Variants in SEMA4A observed in about 807,000 individuals in gnomAD.
SEMA4A encodes the protein semaphorin 4A, also known as semaphorin-4A.
A neutral mutation model predicts 72.5 loss-of-function variants in SEMA4A; 52 were observed. The observed-to-expected ratio is 0.72, with a 90% CI of 0.57 to 0.90. SEMA4A has a LOEUF of 0.90. SEMA4A is among the 40% of genes least tolerant of loss of function. The pLI is 0.00. For missense variants in SEMA4A, 926 were observed against 959.7 expected (o/e 0.96, Z 0.46); for synonymous variants, 369 against 393.1 (o/e 0.94, Z 0.73).
intron 5 of SEMA4A, 46 bp from the exon 6 acceptor site, chr1:156,158,673 T>C: frequency 6.7e-7 from 1 of 1,490,080 alleles, no homozygotes; most frequent in South Asian, 1.1e-5. Flanking sequence ...ATTTCCCAGA[T>C]GTGAGACCTT....
At chr1:156,167,041 C>T (rs1654234574) in intron 10 of SEMA4A, among the ~76,000 whole-genome samples, 1 of 151,902 alleles carries the variant, frequency 6.6e-6, no homozygotes, top group African/African-American at 2.4e-5. Context: ...ACTAGAACTA[C>T]AAGCACCCAC....
intron 10 of SEMA4A, among the ~76,000 whole-genome samples, chr1:156,170,945 C>T (rs1205982768): frequency 6.7e-6 from 1 of 149,802 alleles, no homozygotes; most frequent in Admixed American, 6.6e-5. Flanking sequence ...AAAAAAAAAC[C>T]CTTTGACCTA....
At chr1:156,150,674 G>A (rs1438656952), upstream of SEMA4A, among the ~76,000 whole-genome samples, 2 of 152,102 alleles carry the variant, frequency 1.3e-5, no homozygotes, top group African/African-American at 2.4e-5. Flanking sequence ...GAGCGTCTGG[G>A]GCTGGTTGAA....
intron 10 of SEMA4A, among the ~76,000 whole-genome samples, chr1:156,171,000 G>T (rs1654722675): frequency 6.6e-6 from 1 of 152,106 alleles, no homozygotes; most frequent in Non-Finnish European, 1.5e-5. Flanking sequence ...TTCACTTGAG[G>T]CCAGGAGTTT....
upstream of SEMA4A, chr1:156,153,312 C>A (rs1652697055): frequency 6.6e-6 from 1 of 152,292 alleles, no homozygotes. Flanking sequence ...GTCATGTCCC[C>A]TATCTGGGAA....
At position 156,154,632 on chromosome 1, in the gene SEMA4A, C is replaced by T. The variant is rs1478457330; in HGVS notation, c.54C>T (p.Leu18=). ...CCTGGAGCCTCCTGGGCCTTTTCCT[C>T]TTCCAACTGCTTCAGCTGCTGCTGC... ...LDPWSLLGLF[L]FQLLQLLLPT... is the part of the protein sequence containing the mutation. Residue 18 remains leucine, a synonymous_variant, in exon 2 of 15, where the codon CTC becomes CTT. Coordinates refer to ENST00000368285, the MANE Select transcript of SEMA4A (RefSeq NM_022367.4). 6.2e-7 allele frequency: 1 copy of T among 1,609,802 alleles called. No individual in the cohort carries two copies. Among genetic ancestry groups the T allele is most frequent in the Non-Finnish European group, 8.5e-7 (1 of 1,178,620 alleles).
Position 156,161,336 on chromosome 1 carries a change from G to C in SEMA4A, c.811-10G>C, listed in dbSNP as rs1364641780. 1 of 1,413,886 alleles carries C rather than the reference G, an allele frequency of 7.1e-7. No homozygotes were observed. Among genetic ancestry groups the C allele is most frequent in the Admixed American group, 1.9e-5 (1 of 53,800 alleles). 87.6% of individuals were successfully genotyped at this position (1,413,886 alleles called of 1,614,324 possible). ...CCCGGGGCGCCCCCTGACTCCCCCT[G>C]TGCCCCCAGAATGACGTGGGCGGCG... On this transcript the variant is annotated splice_polypyrimidine_tract_variant and intron_variant, in intron 8 of 14. Transcript: ENST00000368285.
chr1:156,172,027 G>T (rs560584421), intron 10 of SEMA4A, among the ~76,000 whole-genome samples: 2 of 151,398 alleles, frequency 1.3e-5, no homozygotes, highest in African/African-American at 2.4e-5. Context: ...TTCGTGATCC[G>T]CCAGCCTCGG....
intron 11 of SEMA4A, among the ~76,000 whole-genome samples, chr1:156,173,300 A>G (rs1654982860): frequency 6.6e-6 from 1 of 152,080 alleles, no homozygotes; most frequent in Non-Finnish European, 1.5e-5. Context: ...ATGAAAGGTG[A>G]GTGGGTGGAG....
chr1:156,151,567 T>G (rs1197608409), upstream of SEMA4A, among the ~76,000 whole-genome samples: 1 of 152,176 alleles, frequency 6.6e-6, no homozygotes, highest in Non-Finnish European at 1.5e-5. Context: ...GCACAGTGTC[T>G]CACGCCTGTA....
intron 10 of SEMA4A, among the ~76,000 whole-genome samples, chr1:156,170,897 G>A (rs990514891): frequency 2.6e-5 from 4 of 151,884 alleles, no homozygotes; most frequent in Non-Finnish European, 5.9e-5. Flanking sequence ...CTCCAGCCTG[G>A]ATGACAGTGA....
At chr1:156,175,500 C>G in intron 13 of SEMA4A, 56 bp from the exon 14 acceptor site, 1 of 1,421,560 alleles carries the variant, frequency 7.0e-7, no homozygotes, top group Non-Finnish European at 9.8e-7. Context: ...TTCCTCCTTC[C>G]TCTTCCCACT....
At chr1:156,173,608 C>T (rs765668748) in intron 11 of SEMA4A, among the ~76,000 whole-genome samples, 5 of 151,502 alleles carry the variant, frequency 3.3e-5, no homozygotes, top group Non-Finnish European at 2.9e-5. Context: ...CTGTGGGTGG[C>T]GGGGGGGACA....
In SEMA4A at chr1:156,157,012, G is replaced by A. The variant is rs888369545; in HGVS notation, c.300+438G>A. Among the ~76,000 whole-genome samples the A allele has an allele frequency of 2.6e-5, 4 of 152,096 alleles. No individual in the cohort carries two copies. Among genetic ancestry groups the A allele is most frequent in the South Asian group, 2.1e-4 (1 of 4,828 alleles). On this transcript the variant is annotated intron_variant, in intron 3 of 14. Coordinates refer to ENST00000368285, the MANE Select transcript of SEMA4A (RefSeq NM_022367.4). This position sits in a 1 kb window ranked among gnomAD's most constrained non-coding sequence, Gnocchi z 4.5. ...CTCCCAAAGAGTTGGGATTACAGGC[G>A]TGAGCCACCGCACCCGGCCTGTGAC...
At chr1:156,167,747 G>C (rs1038359982) in intron 10 of SEMA4A, among the ~76,000 whole-genome samples, 5 of 152,122 alleles carry the variant, frequency 3.3e-5, no homozygotes, top group African/African-American at 7.2e-5. Context: ...CTGGATGCAC[G>C]TAATGCCTGG....
intron 10 of SEMA4A, 131 bp downstream of exon 10, chr1:156,163,225 G>A (rs1018206770): frequency 2.7e-5 from 27 of 988,496 alleles, no homozygotes; most frequent in African/African-American, 2.7e-4. Flanking sequence ...CTGCTCAGAC[G>A]TACACCTGGT....
At chr1:156,169,042 A>C (rs1345839501) in intron 10 of SEMA4A, among the ~76,000 whole-genome samples, 1 of 152,182 alleles carries the variant, frequency 6.6e-6, no homozygotes, top group Non-Finnish European at 1.5e-5. Context: ...TCTCTGGTGG[A>C]TAAACCTCCA....
upstream of SEMA4A, among the ~76,000 whole-genome samples, chr1:156,148,769 G>C (rs974054492): frequency 6.6e-6 from 1 of 151,724 alleles, no homozygotes; most frequent in South Asian, 2.1e-4. Flanking sequence ...AGCTGACAGA[G>C]AGGCCAGCCT....
chr1:156,158,985 A>T, intron 6 of SEMA4A, 161 bp downstream of exon 6: 2 of 540,120 alleles, frequency 3.7e-6, no homozygotes, highest in African/African-American at 2.0e-5. Flanking sequence ...AGGATGCTTG[A>T]GTTTAGGGGT....
Sources: allele counts gnomAD v4.1 joint callset (sites outside exome capture counted in the v4.1 genomes callset), GRCh38; gene constraint gnomAD v4.1.1; non-coding constraint Gnocchi (gnomAD v3.1); transcripts MANE v1.5; gene names NCBI Gene and HGNC (gene_info 2026-07-23, HGNC 2026-07-21).